Variants in RANBP9 observed in about 807,000 individuals in gnomAD.
The protein encoded by RANBP9 is RAN binding protein 9.
RANBP9 carries 15 observed loss-of-function variants against 84.3 expected under a neutral mutation model. The observed-to-expected ratio is 0.18, with a 90% CI of 0.12 to 0.27. RANBP9 has a LOEUF of 0.27. RANBP9 is among the 10% of genes least tolerant of loss of function. The pLI, the probability that RANBP9 is intolerant of heterozygous loss-of-function variation, is 1.00. For synonymous variants in RANBP9, 392 were observed against 349.6 expected (o/e 1.12, Z -1.35); for missense variants, 809 against 912.8 (o/e 0.89, Z 1.46).
intron 2 of RANBP9, among the ~76,000 whole-genome samples, chr6:13,691,228 A>G: frequency 6.6e-6 from 1 of 151,992 alleles, no homozygotes; most frequent in Middle Eastern, 3.4e-3. Flanking sequence ...AATGCATTAG[A>G]TTTTATTTTT....
At chr6:13,689,103 G>A (rs1766265392) in intron 2 of RANBP9, among the ~76,000 whole-genome samples, 1 of 151,644 alleles carries the variant, frequency 6.6e-6, no homozygotes, top group Non-Finnish European at 1.5e-5. Flanking sequence ...GCTACAGAGA[G>A]CCTTGATTGT....
At chr6:13,710,125 A>G (rs1758235698) in intron 1 of RANBP9, among the ~76,000 whole-genome samples, 1 of 152,210 alleles carries the variant, frequency 6.6e-6, no homozygotes, top group Non-Finnish European at 1.5e-5. Context: ...TAGGAGAGGT[A>G]GGTGAGGGAG....
Position 13,654,035 on chromosome 6 carries a change from T to G in RANBP9, c.905-1354A>C, listed in dbSNP as rs549282680. ...AATATTTTTCATAAAATAATTTTTC[T>G]CAAAGATGTCTAGTTATAATCAACA... On this transcript the variant is annotated intron_variant, in intron 4 of 13. Transcript: ENST00000011619. Among the ~76,000 whole-genome samples the G allele has an allele frequency of 2.6e-5, 4 of 152,260 alleles. No homozygotes were observed. In the South Asian group the frequency reaches 6.2e-4, roughly 24 times the overall value.
intron 1 of RANBP9, among the ~76,000 whole-genome samples, chr6:13,701,994 T>C (rs779832993): frequency 1.1e-4 from 16 of 152,180 alleles, no homozygotes; most frequent in Non-Finnish European, 2.1e-4. Context: ...AGCTTGTATT[T>C]CATTATCTTC....
intron 2 of RANBP9, among the ~76,000 whole-genome samples, chr6:13,692,577 C>T (rs1766353375): frequency 7.2e-6 from 1 of 139,570 alleles, no homozygotes; most frequent in Non-Finnish European, 1.5e-5. Context: ...AAAGGCAGGG[C>T]ACAGTGGCTC....
Position 13,622,325 on chromosome 6 carries a change from A to G in RANBP9, c.*37T>C. 5 of 1,466,430 alleles carry G rather than the reference A, an allele frequency of 3.4e-6. No homozygotes were observed. The highest frequency in any genetic ancestry group is 4.5e-6 in the Non-Finnish European group (5 of 1,102,336). 90.8% of individuals were successfully genotyped at this position (1,466,430 alleles called of 1,614,324 possible). ...GCTGGTCTACTTCCATGTTGACTAT[A>G]TGCCACAATATAAGTGTGAGCTCTT... is the stretch of plus-strand genomic sequence containing the variant. On this transcript the variant is annotated 3_prime_UTR_variant, in exon 14 of 14. Coordinates refer to ENST00000011619, the MANE Select transcript of RANBP9 (RefSeq NM_005493.3).
intron 1 of RANBP9, among the ~76,000 whole-genome samples, chr6:13,697,446 A>G (rs1226268559): frequency 6.6e-6 from 1 of 152,254 alleles, no homozygotes; most frequent in Non-Finnish European, 1.5e-5. Flanking sequence ...AAGCTGATTC[A>G]TAAAATCTCT....
At chr6:13,693,428 A>T (rs1766372114) in intron 2 of RANBP9, among the ~76,000 whole-genome samples, 1 of 152,206 alleles carries the variant, frequency 6.6e-6, no homozygotes, top group African/African-American at 2.4e-5. Flanking sequence ...GATCAACAGG[A>T]ACTCTCATAC....
At chr6:13,667,291 T>C (rs1584932154) in intron 2 of RANBP9, among the ~76,000 whole-genome samples, 2 of 152,218 alleles carry the variant, frequency 1.3e-5, no homozygotes, top group Non-Finnish European at 2.9e-5. Flanking sequence ...TCTCCATCTT[T>C]TTCTGTGTTC....
chr6:13,648,737 T>C (rs371628790), intron 5 of RANBP9, among the ~76,000 whole-genome samples: 1 of 152,202 alleles, frequency 6.6e-6, no homozygotes, highest in Non-Finnish European at 1.5e-5. Flanking sequence ...ATACAAATAA[T>C]GTATCCACAA....
At chr6:13,649,466 A>C (rs1350080015) in intron 5 of RANBP9, among the ~76,000 whole-genome samples, 2 of 147,612 alleles carry the variant, frequency 1.4e-5, no homozygotes, top group Non-Finnish European at 3.0e-5. Flanking sequence ...CAACAGAAAA[A>C]AAAAAAAAAA....
chr6:13,670,042 C>T (rs892493255), intron 2 of RANBP9, among the ~76,000 whole-genome samples: 13 of 152,098 alleles, frequency 8.5e-5, no homozygotes, highest in African/African-American at 2.2e-4. Context: ...ATAATCCCCG[C>T]GCTTTGAAAG....
At chr6:13,682,087 C>T (rs948993561) in intron 2 of RANBP9, among the ~76,000 whole-genome samples, 5 of 152,040 alleles carry the variant, frequency 3.3e-5, no homozygotes, top group African/African-American at 4.8e-5. Context: ...GTCTCGAACT[C>T]CTGACCTCAG....
chr6:13,649,542 C>CTGT (rs911745055), intron 5 of RANBP9, among the ~76,000 whole-genome samples: 1 of 151,462 alleles, frequency 6.6e-6, no homozygotes, highest in African/African-American at 2.4e-5. Flanking sequence ...AGTCTCTTAA[C>CTGT]TGTTAAAGAC....
At position 13,679,985 on chromosome 6, in the gene RANBP9, GA is replaced by G. The variant is rs1258068608; in HGVS notation, c.683+16799del. Among the ~76,000 whole-genome samples the G allele has an allele frequency of 2.0e-5, 3 of 151,922 alleles. No homozygotes were observed. The South Asian group carries it at 6.2e-4, about 31-fold the overall frequency. ...AAGGAAAAAAAGGAAAATTATTTCA[GA>G]AATAAAGACAAGCTAATTGGAACAC... On this transcript the variant is annotated intron_variant, in intron 2 of 13. Transcript: ENST00000011619.
At chr6:13,641,931 T>A (rs1469211955) in intron 7 of RANBP9, among the ~76,000 whole-genome samples, 1 of 152,180 alleles carries the variant, frequency 6.6e-6, no homozygotes, top group Non-Finnish European at 1.5e-5. Flanking sequence ...TATACTCTTG[T>A]CAAGTCATAC....
At position 13,710,994 on chromosome 6, in the gene RANBP9, G is replaced by A. The variant is rs1758262896; in HGVS notation, c.512C>T (p.Pro171Leu). The A allele has an allele frequency of 3.1e-6, 5 of 1,609,524 alleles. No homozygotes were observed. Among genetic ancestry groups the A allele is most frequent in the Non-Finnish European group, 4.2e-6 (5 of 1,178,222 alleles). ...QETPLPRSWSPKDKFSYIGLS... is the reference protein window; with the variant it reads ...QETPLPRSWSLKDKFSYIGLS... ...GCCGATGTAGCTGAACTTGTCCTTC[G>A]GGCTCCAGGACCGAGGCAGCGGCGT... Residue 171 changes from proline to leucine, a missense_variant, in exon 1 of 14, where the codon CCG becomes CTG. Pro to Leu is a moderately conservative substitution (Grantham distance 98, BLOSUM62 -3). Coordinates refer to ENST00000011619, the MANE Select transcript of RANBP9 (RefSeq NM_005493.3).
intron 1 of RANBP9, 42 bp downstream of exon 1, chr6:13,710,892 CG>C (rs1161751515): frequency 1.3e-6 from 2 of 1,543,840 alleles, no homozygotes; most frequent in Admixed American, 3.8e-5. Context: ...CCGGCCACGT[CG>C]GGTCAGTGCC....
At chr6:13,646,498 C>T (rs1765176799) in intron 5 of RANBP9, among the ~76,000 whole-genome samples, 2 of 151,966 alleles carry the variant, frequency 1.3e-5, no homozygotes, top group Admixed American at 1.3e-4. Context: ...AGCATATAAG[C>T]CAAACACAAT....
Sources: gnomAD v4.1 joint callset for allele counts (sites outside exome capture counted in the v4.1 genomes callset) on GRCh38, gnomAD v4.1.1 for gene constraint, MANE v1.5 for transcripts, NCBI Gene and HGNC (gene_info 2026-07-23, HGNC 2026-07-21) for gene names.